CHN2: variants seen among roughly 807,000 people sequenced by gnomAD.
The protein encoded by CHN2 is chimerin 2.
Under a neutral mutation model 56.3 loss-of-function variants are expected in CHN2, and 35 were observed. The observed-to-expected ratio is 0.62, with a 90% confidence interval of 0.47 to 0.82. The LOEUF (loss-of-function observed/expected upper bound fraction) is 0.82. CHN2 is among the 40% of genes least tolerant of loss of function. The pLI is 0.00. For missense variants in CHN2, 491 were observed against 580.5 expected (o/e 0.85, Z 1.58); for synonymous variants, 210 against 212.8 (o/e 0.99, Z 0.12).
In CHN2 at chr7:29,512,188, A is replaced by C. The variant is rs34499223; in HGVS notation, c.1236-376A>C. 2.1e-4 allele frequency among the ~76,000 whole-genome samples: 30 copies of C among 142,624 alleles called. 1 individual carries two copies. In the East Asian group the frequency reaches 4.1e-3, roughly 19 times the overall value. The allele number at this position is 142,624 out of a possible 152,430, so 93.6% of individuals were successfully genotyped here. On this transcript the variant is annotated intron_variant, in intron 12 of 12. Transcript: ENST00000222792. ...GCAGGAAGCCACAAGAGGGAAAAAA[A>C]AAACGCCTTCTGTATAAGGCCTATG...
intron 2 of CHN2, among the ~76,000 whole-genome samples, chr7:29,163,845 T>C (rs1795529896): frequency 6.6e-6 from 1 of 152,258 alleles, no homozygotes; most frequent in Non-Finnish European, 1.5e-5. Flanking sequence ...ATGTTATGCA[T>C]ATCAATAGTT....
intron 1 of CHN2, among the ~76,000 whole-genome samples, chr7:29,210,652 G>A (rs56357845): frequency 0.11 from 16,388 of 151,372 alleles, 938 homozygotes; most frequent in Middle Eastern, 0.15. Flanking sequence ...AATTTATATG[G>A]TATATTAGAG....
chr7:29,247,571 A>G (rs1430103348), intron 1 of CHN2, among the ~76,000 whole-genome samples: 1 of 152,210 alleles, frequency 6.6e-6, no homozygotes, highest in Non-Finnish European at 1.5e-5. Context: ...GTGGCTAAGA[A>G]GGGGCCAGAA....
At chr7:29,202,849 T>C (rs887414172) in intron 1 of CHN2, among the ~76,000 whole-genome samples, 59 of 152,260 alleles carry the variant, frequency 3.9e-4, no homozygotes, top group African/African-American at 1.3e-3. Context: ...GTTGCTTCCA[T>C]GAAATAAGCC....
At chr7:29,262,255 T>C (rs186329618) in intron 1 of CHN2, among the ~76,000 whole-genome samples, 39 of 152,238 alleles carry the variant, frequency 2.6e-4, no homozygotes, top group Non-Finnish European at 4.1e-4. Flanking sequence ...TTTGATAAGA[T>C]ACTTAGAAGG....
Position 29,402,126 on chromosome 7 carries a change from G to A in CHN2, c.576+1298G>A, listed in dbSNP as rs1368594752. Among the ~76,000 whole-genome samples the A allele has an allele frequency of 3.9e-5, 6 of 152,314 alleles. No individual in the cohort carries two copies. In the East Asian group the frequency reaches 1.2e-3, roughly 29 times the overall value. ...GAAGCAAAGGAGCCTCGGGCTGATG[G>A]ATTCGGGACTGGCATTGGCAGAGGG... On this transcript the variant is annotated intron_variant, in intron 6 of 12. Transcript: ENST00000222792.
chr7:29,212,219 C>T, intron 1 of CHN2: 1 of 674,196 alleles, frequency 1.5e-6, no homozygotes, highest in East Asian at 2.6e-5. Context: ...TCTCTAACAT[C>T]TTCCAGAAAA....
At chr7:29,183,666 C>A (rs889674468) in intron 2 of CHN2, among the ~76,000 whole-genome samples, 1 of 152,070 alleles carries the variant, frequency 6.6e-6, no homozygotes, top group Non-Finnish European at 1.5e-5. Context: ...TGTGAGCCAC[C>A]ACACCTGGCC....
chr7:29,355,615 C>T (rs1472474906), intron 2 of CHN2, among the ~76,000 whole-genome samples: 1 of 151,766 alleles, frequency 6.6e-6, no homozygotes, highest in Admixed American at 6.6e-5. Flanking sequence ...AGCCAGGGTG[C>T]GCAGGCCCTG....
intron 1 of CHN2, among the ~76,000 whole-genome samples, chr7:29,221,947 A>G (rs1325636705): frequency 6.6e-6 from 1 of 152,156 alleles, no homozygotes; most frequent in Non-Finnish European, 1.5e-5. Context: ...TTTATCATAG[A>G]ATGATTTATA....
At chr7:29,259,405 G>A (rs955448504) in intron 1 of CHN2, among the ~76,000 whole-genome samples, 1 of 152,020 alleles carries the variant, frequency 6.6e-6, no homozygotes, top group East Asian at 1.9e-4. Context: ...GTGTGAGTGT[G>A]GAGAGATCTG....
At chr7:29,410,502 T>C (rs536628007) in intron 6 of CHN2, among the ~76,000 whole-genome samples, 128 of 152,286 alleles carry the variant, frequency 8.4e-4, no homozygotes, top group African/African-American at 2.8e-3. Context: ...ATTTGCATTA[T>C]GTCTGTGGGT....
chr7:29,455,629 G>A (rs569069568), intron 6 of CHN2, among the ~76,000 whole-genome samples: 2 of 152,306 alleles, frequency 1.3e-5, no homozygotes, highest in East Asian at 3.9e-4. Context: ...ATTTTTAAAA[G>A]GTCAAAACAT....
chr7:29,286,532 G>A (rs1226797557), intron 1 of CHN2, among the ~76,000 whole-genome samples: 1 of 152,154 alleles, frequency 6.6e-6, no homozygotes, highest in Non-Finnish European at 1.5e-5. Flanking sequence ...GTCTTCTGCA[G>A]CCTTACCCTT....
chr7:29,188,800 C>T (rs1021051770), intron 2 of CHN2, among the ~76,000 whole-genome samples: 2 of 152,050 alleles, frequency 1.3e-5, no homozygotes, highest in African/African-American at 4.8e-5. Context: ...AAGTCGTCAC[C>T]GGCATGGATA....
chr7:29,236,546 C>T (rs983294718), intron 1 of CHN2, among the ~76,000 whole-genome samples: 1 of 152,194 alleles, frequency 6.6e-6, no homozygotes, highest in Non-Finnish European at 1.5e-5. Flanking sequence ...TCTCCCTTAG[C>T]CTGGACCCTA....
At chr7:29,407,262 C>T (rs1373016954) in intron 6 of CHN2, among the ~76,000 whole-genome samples, 3 of 152,060 alleles carry the variant, frequency 2.0e-5, no homozygotes, top group African/African-American at 7.2e-5. Flanking sequence ...TTTTCAGCAG[C>T]TATCTTAGAG....
Position 29,245,185 on chromosome 7 carries a change from A to G in CHN2, c.49+50195A>G, listed in dbSNP as rs574192865. ...TTTATGGGAACTTTATTACTTTACT[A>G]TTTATTACAGTTGACTGTGGATTTT... On this transcript the variant is annotated intron_variant, in intron 1 of 12. Coordinates refer to ENST00000222792, the MANE Select transcript of CHN2 (RefSeq NM_004067.4). 7.9e-5 allele frequency among the ~76,000 whole-genome samples: 12 copies of G among 152,210 alleles called. No homozygotes were observed. In the South Asian group the frequency reaches 1.2e-3, roughly 16 times the overall value.
chr7:29,414,852 T>A (rs1005693664), intron 6 of CHN2, among the ~76,000 whole-genome samples: 2 of 152,076 alleles, frequency 1.3e-5, no homozygotes, highest in Admixed American at 6.5e-5. Context: ...TTCCCCAGGC[T>A]CCTGTCCTGA....
Sources: allele counts gnomAD v4.1 joint callset (sites outside exome capture counted in the v4.1 genomes callset), GRCh38; gene constraint gnomAD v4.1.1; transcripts MANE v1.5; gene names NCBI Gene and HGNC (gene_info 2026-07-23, HGNC 2026-07-21).